MED14: variants seen among roughly 807,000 people sequenced by gnomAD.
The protein encoded by MED14 is mediator of RNA polymerase II transcription subunit 14.
MED14 carries 8 observed loss-of-function variants against 109.0 expected under a neutral mutation model. The observed-to-expected ratio is 0.07, with a 90% CI of 0.04 to 0.13. The LOEUF (loss-of-function observed/expected upper bound fraction) is 0.13, where lower values mean the gene tolerates loss of function less well. MED14 is among the 10% of genes least tolerant of loss of function. The pLI is 1.00. For synonymous variants in MED14, 399 were observed against 408.7 expected (o/e 0.98, Z 0.29); for missense variants, 711 against 1,142.4 (o/e 0.62, Z 5.44).
chrX:40,729,642 G>C (rs1028616083), intron 1 of MED14: 1 of 229,717 alleles, frequency 4.4e-6, no homozygotes, highest in African/African-American at 2.8e-5. Flanking sequence ...TATATCATAG[G>C]GTGTCAGAGA....
intron 1 of MED14, among the ~76,000 whole-genome samples, chrX:40,730,454 T>C (rs1027582895): frequency 9.0e-6 from 1 of 111,374 alleles, no homozygotes. Flanking sequence ...CCACAGCCCT[T>C]GTTTTCACCT....
At chrX:40,727,983 G>A (rs1931945701) in intron 2 of MED14, among the ~76,000 whole-genome samples, 1 of 112,107 alleles carries the variant, frequency 8.9e-6, no homozygotes, top group Non-Finnish European at 1.9e-5. Flanking sequence ...ATAAAGAGAA[G>A]AATCAAGGGC....
intron 2 of MED14, among the ~76,000 whole-genome samples, chrX:40,727,701 C>T (rs1317045608): frequency 1.8e-5 from 2 of 111,380 alleles, no homozygotes; most frequent in African/African-American, 6.5e-5. Context: ...AAGCCAGGAC[C>T]GATGACCAGA....
At chrX:40,721,002 G>T (rs1017841647) in intron 3 of MED14, among the ~76,000 whole-genome samples, 2 of 111,099 alleles carry the variant, frequency 1.8e-5, no homozygotes, top group African/African-American at 6.6e-5. Flanking sequence ...CGATACCCAG[G>T]TAGTATGCCG....
At chrX:40,655,601 C>A (rs1384372025) in intron 28 of MED14, among the ~76,000 whole-genome samples, 1 of 112,352 alleles carries the variant, frequency 8.9e-6, no homozygotes, top group Non-Finnish European at 1.9e-5. Context: ...ACTTCCCAGT[C>A]CTGTTTCCAA....
rs1771640651 is a variant in MED14, at chrX:40,650,228, G to A, written c.*1578C>T. ...AAGTTTAGTCAACTGCTCCTGAACA[G>A]TGGCAGAGTTGGGTGAGAAGTGGGA... On this transcript the variant is annotated 3_prime_UTR_variant, in exon 31 of 31. Coordinates refer to ENST00000324817, the MANE Select transcript of MED14 (RefSeq NM_004229.4). 1.3e-6 allele frequency: 1 copy of A among 754,340 alleles called. No homozygotes were observed. The highest frequency in any genetic ancestry group is 2.3e-5 in the African/African-American group (1 of 43,930). 62.2% of individuals were successfully genotyped at this position (754,340 alleles called of 1,213,427 possible).
rs1243235252 is a variant in MED14, at chrX:40,682,757, A to T, written c.2219-8T>A. The T allele has an allele frequency of 2.5e-6, 3 of 1,204,660 alleles. No individual in the cohort carries two copies. Among genetic ancestry groups the T allele is most frequent in the Non-Finnish European group, 3.4e-6 (3 of 891,875 alleles). ...AAACGTGCCGGGATGGTCCTACAGG[A>T]TTAAAAGAGAATATTAATAGTAATC... On this transcript the variant is annotated splice_polypyrimidine_tract_variant and splice_region_variant and intron_variant, in intron 17 of 30. Coordinates refer to ENST00000324817, the MANE Select transcript of MED14 (RefSeq NM_004229.4).
chrX:40,684,224 T>C lies in MED14; in HGVS notation c.2058-1228A>G, dbSNP rs184272723. Among the ~76,000 whole-genome samples, 702 of 111,442 alleles carry C rather than the reference T, an allele frequency of 6.3e-3. 4 individuals are homozygous for C. The highest frequency in any genetic ancestry group is 8.7e-3 in the Admixed American group (92 of 10,534). ...TTGTTGCGGGGTGAGGGGGCTGTCT[T>C]GTGCAGCCCAGGCCTCTACCTACTA... is the stretch of plus-strand genomic sequence containing the variant. On this transcript the variant is annotated intron_variant, in intron 16 of 30. Coordinates refer to ENST00000324817, the MANE Select transcript of MED14 (RefSeq NM_004229.4).
chrX:40,691,607 C>CTTTTTTTTTTTTTTT, intron 15 of MED14, among the ~76,000 whole-genome samples: 6 of 59,449 alleles, frequency 1.0e-4, no homozygotes, highest in East Asian at 6.5e-4. Context: ...TTCTTTTAAT[C>CTTTTTTTTTTTTTTT]TTTTTTTTTT....
chrX:40,658,712 A>T (rs1024439479), intron 28 of MED14, among the ~76,000 whole-genome samples: 3 of 102,462 alleles, frequency 2.9e-5, no homozygotes, highest in Admixed American at 2.2e-4. Flanking sequence ...AAAAAAAAAA[A>T]AAAAGCCAGG....
At chrX:40,692,972 CAAGT>C (rs1312446935) in intron 13 of MED14, 70 bp from the exon 14 acceptor site, 24 of 736,652 alleles carry the variant, frequency 3.3e-5, no homozygotes, top group East Asian at 1.3e-4. Flanking sequence ...CGTACATCAT[CAAGT>C]AAGGCTCAGA....
chrX:40,718,396 C>G (rs1374773171), intron 3 of MED14, among the ~76,000 whole-genome samples: 1 of 112,231 alleles, frequency 8.9e-6, no homozygotes, highest in East Asian at 2.8e-4. Context: ...ATGCATCAAC[C>G]CTACTGGGAT....
intron 12 of MED14, among the ~76,000 whole-genome samples, chrX:40,699,281 G>A (rs977487451): frequency 2.7e-5 from 3 of 112,246 alleles, no homozygotes; most frequent in Admixed American, 1.9e-4. Flanking sequence ...ACATTTCTTT[G>A]GGGTGATGGA....
At chrX:40,730,343 G>A (rs1932033339) in intron 1 of MED14, among the ~76,000 whole-genome samples, 1 of 112,050 alleles carries the variant, frequency 8.9e-6, no homozygotes, top group Admixed American at 9.4e-5. Flanking sequence ...AGACCGGAGA[G>A]ATGAAGCAGA....
At chrX:40,688,252 C>CA (rs199725336) in intron 16 of MED14, among the ~76,000 whole-genome samples, 12 of 110,673 alleles carry the variant, frequency 1.1e-4, no homozygotes, top group Non-Finnish European at 1.3e-4. Context: ...AAACAAACAA[C>CA]AAAAAAAACA....
chrX:40,678,883 C>T (rs1004908543), intron 21 of MED14, among the ~76,000 whole-genome samples: 3 of 110,343 alleles, frequency 2.7e-5, no homozygotes, highest in African/African-American at 9.9e-5. Context: ...CAGATAATGC[C>T]CTCAACCAAA....
chrX:40,729,288 G>T, intron 2 of MED14, 31 bp downstream of exon 2: 1 of 1,182,327 alleles, frequency 8.5e-7, no homozygotes, highest in Non-Finnish European at 1.1e-6. Flanking sequence ...TCAATAAAGA[G>T]ACTTTAAGGG....
At chrX:40,699,373 C>G (rs949890088) in intron 12 of MED14, among the ~76,000 whole-genome samples, 1 of 111,834 alleles carries the variant, frequency 8.9e-6, no homozygotes, top group African/African-American at 3.3e-5. Flanking sequence ...GAATTGTATA[C>G]TTAAAATGGG....
chrX:40,734,703 A>G (rs1932192384), intron 1 of MED14, among the ~76,000 whole-genome samples: 1 of 112,535 alleles, frequency 8.9e-6, no homozygotes, highest in Admixed American at 9.4e-5. Context: ...TACTCACACT[A>G]ACTTCATTAA....
Sources: allele counts gnomAD v4.1 joint callset (sites outside exome capture counted in the v4.1 genomes callset), GRCh38; gene constraint gnomAD v4.1.1; transcripts MANE v1.5; gene names NCBI Gene and HGNC (gene_info 2026-07-23, HGNC 2026-07-21).